The following STIM2 variants were observed in gnomAD, a reference collection of about 807,000 sequenced individuals.
STIM2 encodes stromal interaction molecule 2.
In STIM2, 31 loss-of-function variants were observed where a neutral mutation model predicts 85.8. That is an observed-to-expected ratio of 0.36 (90% confidence interval 0.27 to 0.49). The LOEUF (loss-of-function observed/expected upper bound fraction) is 0.49. Ranked by LOEUF, STIM2 falls within the 20% of genes least tolerant of loss-of-function variation. The pLI, the probability that STIM2 is intolerant of heterozygous loss-of-function variation, is 0.98. For synonymous variants in STIM2, 356 were observed against 331.1 expected (o/e 1.08, Z -0.82); for missense variants, 841 against 927.6 (o/e 0.91, Z 1.21).
At chr4:26,885,616 G>A (rs1723188516) in intron 1 of STIM2, among the ~76,000 whole-genome samples, 1 of 151,756 alleles carries the variant, frequency 6.6e-6, no homozygotes, top group Non-Finnish European at 1.5e-5. Flanking sequence ...GGATTTTAAT[G>A]TGTGATATTT....
intron 2 of STIM2, among the ~76,000 whole-genome samples, chr4:26,956,281 G>A (rs966607652): frequency 6.6e-6 from 1 of 152,124 alleles, no homozygotes; most frequent in Non-Finnish European, 1.5e-5. Flanking sequence ...GTACATATAT[G>A]AGCAAAGTAT....
rs144652356 is a variant in STIM2 at position 26,899,909 on chromosome 4, A to G, written c.152-19595A>G. ...TTGAAGGGCTTTTGAGCTAGGTTCT[A>G]CTTCTGGCTCTGCCAATTACTGTCT... is the stretch of plus-strand genomic sequence containing the variant. On this transcript the variant is annotated intron_variant, in intron 1 of 11. Transcript: ENST00000467087. Among the ~76,000 whole-genome samples the G allele has an allele frequency of 2.2e-4, 33 of 152,304 alleles. No homozygotes were observed. In the East Asian group the frequency reaches 2.9e-3, roughly 13 times the overall value.
intron 2 of STIM2, among the ~76,000 whole-genome samples, chr4:26,956,003 TCAGG>T (rs1726224827): frequency 6.6e-6 from 1 of 152,180 alleles, no homozygotes; most frequent in Non-Finnish European, 1.5e-5. Context: ...GCAACTCTAC[TCAGG>T]CAGAATTTGG....
In STIM2 at chr4:26,984,358, A is replaced by G. The variant is rs897290835; in HGVS notation, c.398-11021A>G. Among the ~76,000 whole-genome samples the G allele has an allele frequency of 8.5e-5, 13 of 152,134 alleles. No homozygotes were observed. In the East Asian group the frequency reaches 1.4e-3, roughly 16 times the overall value. On this transcript the variant is annotated intron_variant, in intron 3 of 11. Transcript: ENST00000467087. ...TGATTTTGAGACCCACTATTTCTCC[A>G]ATTTTTTTTGTTTTTGGAGATGGAG...
chr4:27,000,385 G>A (rs529631352), intron 5 of STIM2, among the ~76,000 whole-genome samples: 2 of 152,158 alleles, frequency 1.3e-5, no homozygotes, highest in East Asian at 3.8e-4. Context: ...CTGAAATGCC[G>A]AGCGTTCCAT....
chr4:26,923,007 C>A (rs1168803174), intron 2 of STIM2, among the ~76,000 whole-genome samples: 2 of 151,902 alleles, frequency 1.3e-5, no homozygotes, highest in African/African-American at 4.8e-5. Context: ...CAGTGGTTCT[C>A]CCAGCATGCA....
At chr4:26,885,021 C>T (rs1007259184) in intron 1 of STIM2, among the ~76,000 whole-genome samples, 1 of 152,146 alleles carries the variant, frequency 6.6e-6, no homozygotes, top group African/African-American at 2.4e-5. Flanking sequence ...ATTTCTAAAA[C>T]GTGTGACTTA....
chr4:26,980,289 C>T (rs1424261759), intron 3 of STIM2, among the ~76,000 whole-genome samples: 15 of 152,010 alleles, frequency 9.9e-5, no homozygotes, highest in Admixed American at 9.8e-4. Flanking sequence ...ATCATTACTT[C>T]CTAGATAATA....
chr4:26,873,900 CGGCTGAGTGGACA>C (rs1722722581), intron 1 of STIM2: 2 of 1,370,816 alleles, frequency 1.5e-6, no homozygotes, highest in Admixed American at 1.9e-5. Flanking sequence ...CAGGGGTCTG[CGGCTGAGTGGACA>C]GGGGCGCCTC....
chr4:26,938,978 C>G (rs2109080289), intron 2 of STIM2, among the ~76,000 whole-genome samples: 1 of 152,130 alleles, frequency 6.6e-6, no homozygotes, highest in South Asian at 2.1e-4. Context: ...CTGAAAGAGG[C>G]TCTCTGCATA....
intron 1 of STIM2, among the ~76,000 whole-genome samples, chr4:26,880,655 A>G (rs188622129): frequency 3.0e-4 from 44 of 145,018 alleles, no homozygotes; most frequent in South Asian, 6.4e-4. Flanking sequence ...AAATATATAT[A>G]TAAATATATA....
intron 2 of STIM2, among the ~76,000 whole-genome samples, chr4:26,952,523 G>A (rs1409633968): frequency 2.6e-5 from 4 of 152,004 alleles, no homozygotes; most frequent in Non-Finnish European, 5.9e-5. Context: ...GTGAAATAAA[G>A]AACTTAATCC....
chr4:26,936,821 G>T (rs1308064184), intron 2 of STIM2, among the ~76,000 whole-genome samples: 1 of 152,038 alleles, frequency 6.6e-6, no homozygotes, highest in Non-Finnish European at 1.5e-5. Flanking sequence ...ACAGCATGTC[G>T]CTCTGTCACC....
intron 1 of STIM2, among the ~76,000 whole-genome samples, chr4:26,893,476 T>G (rs1220570399): frequency 2.0e-5 from 3 of 152,252 alleles, no homozygotes; most frequent in Non-Finnish European, 4.4e-5. Flanking sequence ...ATTTGTCCAT[T>G]TTGTTCTGTG....
chr4:26,953,032 A>G (rs891844858), intron 2 of STIM2, among the ~76,000 whole-genome samples: 1 of 152,124 alleles, frequency 6.6e-6, no homozygotes, highest in African/African-American at 2.4e-5. Flanking sequence ...TTTATGAAGA[A>G]CCCATCTGTT....
At chr4:26,998,226 G>A (rs1157883543) in intron 4 of STIM2, among the ~76,000 whole-genome samples, 4 of 152,142 alleles carry the variant, frequency 2.6e-5, no homozygotes, top group African/African-American at 7.2e-5. Flanking sequence ...AGAAATCTTA[G>A]TTGAGTACTG....
In STIM2 at chr4:26,919,492, G is replaced by A. The variant is rs754700011; in HGVS notation, c.152-12G>A. On this transcript the variant is annotated splice_polypyrimidine_tract_variant and intron_variant, in intron 1 of 11. Transcript: ENST00000467087. ...TATGGCAAGTTAGTAATTGCCCTTT[G>A]TTCTCTTTCAGATCCCTGCATGTCA... 1 of 1,612,680 alleles carries A rather than the reference G, an allele frequency of 6.2e-7. No individual in the cohort carries two copies. Among genetic ancestry groups the A allele is most frequent in the South Asian group, 1.1e-5 (1 of 90,964 alleles).
At chr4:26,902,270 C>G (rs1265563693) in intron 1 of STIM2, among the ~76,000 whole-genome samples, 1 of 152,124 alleles carries the variant, frequency 6.6e-6, no homozygotes, top group African/African-American at 2.4e-5. Context: ...TGGCTTTGAA[C>G]TTTTAATAAT....
chr4:26,861,449 C>T, intron 1 of STIM2, 80 bp downstream of exon 1: 1 of 1,237,798 alleles, frequency 8.1e-7, no homozygotes, highest in Non-Finnish European at 1.0e-6. Context: ...AGCATCTCCG[C>T]CGGACGTCCG....
Sources: gnomAD v4.1 joint callset for allele counts (sites outside exome capture counted in the v4.1 genomes callset) on GRCh38, gnomAD v4.1.1 for gene constraint, MANE v1.5 for transcripts, NCBI Gene and HGNC (gene_info 2026-07-23, HGNC 2026-07-21) for gene names.